Variants in KDM4C observed in about 807,000 individuals in gnomAD.
The protein encoded by KDM4C is lysine demethylase 4C, also known as lysine-specific demethylase 4C.
KDM4C carries 81 observed loss-of-function variants against 129.3 expected under a neutral mutation model. The observed-to-expected ratio is 0.63, with a 90% CI of 0.52 to 0.75. The LOEUF is 0.75. Among genes scored for constraint, KDM4C ranks in the 30% least tolerant of loss-of-function variants. KDM4C has a pLI of 0.00. For synonymous variants in KDM4C, 573 were observed against 456.1 expected (o/e 1.26, Z -3.26); for missense variants, 1,457 against 1,304.0 (o/e 1.12, Z -1.81).
At chr9:7,123,316 A>G (rs1839701056) in intron 18 of KDM4C, among the ~76,000 whole-genome samples, 1 of 152,126 alleles carries the variant, frequency 6.6e-6, no homozygotes, top group Non-Finnish European at 1.5e-5. Context: ...AGACCCTGTG[A>G]GTTTCACCAT....
In KDM4C at chr9:7,020,744, G is replaced by A. The variant is rs186108382; in HGVS notation, c.2259+4815G>A. On this transcript the variant is annotated intron_variant, in intron 15 of 21. Coordinates refer to ENST00000381309, the MANE Select transcript of KDM4C (RefSeq NM_015061.6). ...TGAGATACTTTGATACAGACATGCA[G>A]TACATAATAACCACATCAGGTTAAA... Among the ~76,000 whole-genome samples, 124 of 152,224 alleles carry A rather than the reference G, an allele frequency of 8.1e-4. 2 individuals carry two copies. Among genetic ancestry groups the A allele is most frequent in the Admixed American group, 4.3e-3 (66 of 15,286 alleles).
intron 7 of KDM4C, among the ~76,000 whole-genome samples, chr9:6,889,252 G>T (rs192644182): frequency 0.02 from 1,484 of 73,948 alleles, 4 homozygotes; most frequent in South Asian, 0.039. Flanking sequence ...TGTGTGTGTG[G>T]GAGGGTGGGG....
intron 15 of KDM4C, among the ~76,000 whole-genome samples, chr9:7,034,424 T>A (rs1827289789): frequency 6.6e-6 from 1 of 152,236 alleles, no homozygotes; most frequent in Non-Finnish European, 1.5e-5. Context: ...TCAACTTGTT[T>A]CAGCATCCAC....
intron 3 of KDM4C, among the ~76,000 whole-genome samples, chr9:6,807,170 G>A (rs368887113): frequency 7.2e-5 from 11 of 152,120 alleles, no homozygotes; most frequent in South Asian, 2.1e-4. Flanking sequence ...GATTGCAGAC[G>A]GAGTCTCGTT....
intron 3 of KDM4C, among the ~76,000 whole-genome samples, chr9:6,806,141 C>T (rs778770658): frequency 1.3e-4 from 20 of 152,256 alleles, no homozygotes; most frequent in Non-Finnish European, 2.1e-4. Flanking sequence ...CTTTTAAAAG[C>T]AAACCTTGAA....
chr9:7,047,659 A>G (rs1829600701), intron 16 of KDM4C, among the ~76,000 whole-genome samples: 1 of 152,150 alleles, frequency 6.6e-6, no homozygotes, highest in Middle Eastern at 3.4e-3. Context: ...TGTCTAAGAT[A>G]TGTTTTGTTG....
At chr9:6,779,057 C>G (rs1823737681) in intron 1 of KDM4C, among the ~76,000 whole-genome samples, 1 of 76,702 alleles carries the variant, frequency 1.3e-5, no homozygotes, top group Non-Finnish European at 2.3e-5. Context: ...GAGATGGAGT[C>G]TCGCTCTGTC....
chr9:6,972,317 C>A lies in KDM4C; in HGVS notation c.922-8608C>A, dbSNP rs565635137. ...TGTATGTGAAAATAGAAAAAGAAAA[C>A]ACACACACACCTATTTTCTCTACCT... On this transcript the variant is annotated intron_variant, in intron 8 of 21. Coordinates refer to ENST00000381309, the MANE Select transcript of KDM4C (RefSeq NM_015061.6). 2.6e-5 allele frequency among the ~76,000 whole-genome samples: 4 copies of A among 151,498 alleles called. No individual in the cohort carries two copies. In the South Asian group the frequency reaches 8.3e-4, roughly 32 times the overall value.
intron 1 of KDM4C, among the ~76,000 whole-genome samples, chr9:6,780,726 C>T (rs1455095317): frequency 3.0e-5 from 4 of 134,564 alleles, no homozygotes; most frequent in Non-Finnish European, 6.1e-5. Context: ...CGAGATTCCG[C>T]CATTGTACTC....
chr9:6,773,540 GAC>G (rs2130656911), intron 1 of KDM4C, among the ~76,000 whole-genome samples: 1 of 152,296 alleles, frequency 6.6e-6, no homozygotes, highest in Non-Finnish European at 1.5e-5. Flanking sequence ...GGGAGGCTGA[GAC>G]GGGCAGATCA....
chr9:6,948,772 C>G (rs370297814), intron 8 of KDM4C, among the ~76,000 whole-genome samples: 1 of 152,166 alleles, frequency 6.6e-6, no homozygotes, highest in African/African-American at 2.4e-5. Flanking sequence ...GTGGACACAG[C>G]ACATGTTTCA....
At chr9:6,777,658 G>A (rs1203919390) in intron 1 of KDM4C, among the ~76,000 whole-genome samples, 2 of 151,980 alleles carry the variant, frequency 1.3e-5, no homozygotes, top group East Asian at 1.9e-4. Context: ...TTGAGACTTA[G>A]TCTTGCTCTG....
chr9:6,786,042 T>C (rs1164707409), intron 1 of KDM4C, among the ~76,000 whole-genome samples: 1 of 152,230 alleles, frequency 6.6e-6, no homozygotes, highest in Non-Finnish European at 1.5e-5. Context: ...GAGGCAGCAG[T>C]GCACATCAGT....
intron 18 of KDM4C, among the ~76,000 whole-genome samples, chr9:7,110,254 C>T (rs544839336): frequency 1.4e-4 from 22 of 152,218 alleles, no homozygotes; most frequent in African/African-American, 4.8e-4. Flanking sequence ...CTACTAGAGA[C>T]CAAATTTGCC....
chr9:6,978,491 T>G (rs978598062), intron 8 of KDM4C: 1 of 152,214 alleles, frequency 6.6e-6, no homozygotes, highest in African/African-American at 2.4e-5. Context: ...GTGGCATGTT[T>G]CTGTACCTCC....
intron 5 of KDM4C, among the ~76,000 whole-genome samples, chr9:6,870,001 A>G (rs896378951): frequency 2.6e-5 from 4 of 152,244 alleles, no homozygotes; most frequent in African/African-American, 9.6e-5. Flanking sequence ...ACATAGTCGC[A>G]TCTATAAAAT....
chr9:6,884,584 T>C (rs954775276), intron 6 of KDM4C, among the ~76,000 whole-genome samples: 1 of 152,230 alleles, frequency 6.6e-6, no homozygotes, highest in Non-Finnish European at 1.5e-5. Context: ...AGTAAAATTG[T>C]AAAGAAAAAT....
intron 8 of KDM4C, among the ~76,000 whole-genome samples, chr9:6,911,963 T>G (rs1435309130): frequency 1.3e-5 from 2 of 152,114 alleles, no homozygotes; most frequent in East Asian, 3.8e-4. Flanking sequence ...GCCCAGGACT[T>G]GGGGCAGTTT....
At chr9:6,845,034 T>C (rs1837611861) in intron 4 of KDM4C, among the ~76,000 whole-genome samples, 1 of 152,154 alleles carries the variant, frequency 6.6e-6, no homozygotes, top group African/African-American at 2.4e-5. Context: ...TTGGGAAAAA[T>C]TGAGCTACTA....
Sources: gnomAD v4.1 joint callset for allele counts (sites outside exome capture counted in the v4.1 genomes callset) on GRCh38, gnomAD v4.1.1 for gene constraint, MANE v1.5 for transcripts, NCBI Gene and HGNC (gene_info 2026-07-23, HGNC 2026-07-21) for gene names.